ATG10: variants seen among roughly 807,000 people sequenced by gnomAD.
The protein encoded by ATG10 is ubiquitin-like-conjugating enzyme ATG10.
In ATG10, 30 loss-of-function variants were observed where a neutral mutation model predicts 32.1. The ratio of observed to expected loss-of-function variants is 0.94; its 90% CI spans 0.70 to 1.27. The LOEUF is 1.27. Ranked by LOEUF, ATG10 falls within the 50% of genes most tolerant of loss-of-function variation. The probability of loss-of-function intolerance (pLI) is 0.00; values close to 1 mark genes in which losing one functional copy is unlikely to be tolerated. For missense variants in ATG10, 233 were observed against 262.3 expected (o/e 0.89, Z 0.77); for synonymous variants, 87 against 91.5 (o/e 0.95, Z 0.28).
intron 2 of ATG10, among the ~76,000 whole-genome samples, chr5:81,993,305 TCTTTC>T (rs769916048): frequency 0.039 from 4,305 of 111,262 alleles, 105 homozygotes; most frequent in South Asian, 0.049. Flanking sequence ...TTCTTTCCTT[TCTTTC>T]CTTTCTTTCT....
chr5:82,097,802 C>T (rs1765120051), intron 3 of ATG10, among the ~76,000 whole-genome samples: 1 of 152,112 alleles, frequency 6.6e-6, no homozygotes, highest in African/African-American at 2.4e-5. Flanking sequence ...TACCGTACCC[C>T]AAAAGCAATG....
At chr5:81,991,565 A>C (rs1413975532) in intron 2 of ATG10, among the ~76,000 whole-genome samples, 1 of 152,134 alleles carries the variant, frequency 6.6e-6, no homozygotes, top group Non-Finnish European at 1.5e-5. Context: ...AGGCCAAGGC[A>C]GGTTGATTAC....
chr5:82,141,817 T>TAC (rs962266873), intron 3 of ATG10, among the ~76,000 whole-genome samples: 2 of 150,704 alleles, frequency 1.3e-5, no homozygotes, highest in African/African-American at 2.4e-5. Context: ...CATACACACA[T>TAC]ACACACACAC....
chr5:82,190,604 C>G (rs1744617887), intron 5 of ATG10, among the ~76,000 whole-genome samples: 1 of 151,486 alleles, frequency 6.6e-6, no homozygotes, highest in African/African-American at 2.4e-5. Context: ...AACCCTGTCT[C>G]TACTAAAAAT....
intron 5 of ATG10, among the ~76,000 whole-genome samples, chr5:82,247,335 C>T (rs1747079155): frequency 1.3e-5 from 2 of 151,854 alleles, no homozygotes; most frequent in African/African-American, 4.8e-5. Flanking sequence ...AATTTTTTTT[C>T]TCTTTTCTTC....
intron 2 of ATG10, among the ~76,000 whole-genome samples, chr5:82,001,836 A>T (rs1008206765): frequency 1.3e-5 from 2 of 152,234 alleles, no homozygotes; most frequent in Middle Eastern, 6.3e-3. Context: ...AACTATCAAC[A>T]GAGTAAACAG....
At chr5:82,099,833 C>T (rs2407054) in intron 3 of ATG10, among the ~76,000 whole-genome samples, 150,091 of 152,154 alleles carry the variant, frequency 0.99, 74,054 homozygotes, top group Middle Eastern at 1. Flanking sequence ...AATCAGTCTT[C>T]TGAACCTACT....
Position 82,023,011 on chromosome 5 carries a change from T to A in ATG10, c.108+35333T>A, listed in dbSNP as rs189766819. ...TGTATATATACACACACATAAAATA[T>A]ATATATATATATGTATGTATATATA... is the stretch of plus-strand genomic sequence containing the variant. On this transcript the variant is annotated intron_variant, in intron 2 of 7. Transcript: ENST00000282185. Among the ~76,000 whole-genome samples, 545 of 150,744 alleles carry A rather than the reference T, an allele frequency of 3.6e-3. 3 individuals are homozygous for A. Among genetic ancestry groups the A allele is most frequent in the African/African-American group, 0.013 (515 of 41,192 alleles).
At chr5:82,057,003 C>G (rs2149748160) in intron 2 of ATG10, among the ~76,000 whole-genome samples, 1 of 151,246 alleles carries the variant, frequency 6.6e-6, no homozygotes, top group African/African-American at 2.4e-5. Context: ...GTAATTCCAT[C>G]TACAAAATGG....
intron 3 of ATG10, among the ~76,000 whole-genome samples, chr5:82,136,413 C>G (rs1274603753): frequency 6.6e-6 from 1 of 152,186 alleles, no homozygotes; most frequent in Non-Finnish European, 1.5e-5. Context: ...TCTTGTAAGG[C>G]AGGCCTGGTG....
At chr5:82,039,416 A>G (rs1763021329) in intron 2 of ATG10, among the ~76,000 whole-genome samples, 1 of 152,236 alleles carries the variant, frequency 6.6e-6, no homozygotes. Context: ...TTAAAGTTTA[A>G]TCCATTTATA....
intron 3 of ATG10, among the ~76,000 whole-genome samples, chr5:82,075,296 A>G (rs79426834): frequency 0.03 from 4,586 of 152,314 alleles, 101 homozygotes; most frequent in Middle Eastern, 0.051. Context: ...GGGAGGACAT[A>G]GAGAGGTTAG....
chr5:82,083,732 G>T (rs1232332301), intron 3 of ATG10, among the ~76,000 whole-genome samples: 1 of 152,214 alleles, frequency 6.6e-6, no homozygotes, highest in African/African-American at 2.4e-5. Context: ...TGGACCTCCA[G>T]AAAACTCCAA....
intron 3 of ATG10, among the ~76,000 whole-genome samples, chr5:82,120,278 T>G (rs1765994857): frequency 6.6e-6 from 1 of 152,216 alleles, no homozygotes; most frequent in South Asian, 2.1e-4. Flanking sequence ...TTAGTTGTTT[T>G]GTGTAGTAGA....
At chr5:82,133,740 G>T (rs1413522457) in intron 3 of ATG10, among the ~76,000 whole-genome samples, 6 of 152,096 alleles carry the variant, frequency 3.9e-5, no homozygotes, top group Admixed American at 3.9e-4. Context: ...ATTTAAAGTA[G>T]TTTTTTCTAA....
At chr5:82,074,347 G>A (rs1180354715) in intron 3 of ATG10, among the ~76,000 whole-genome samples, 2 of 151,976 alleles carry the variant, frequency 1.3e-5, no homozygotes, top group Non-Finnish European at 2.9e-5. Context: ...GCTTTCTATT[G>A]TACTTTTTTA....
At chr5:81,983,666 C>G (rs1157933043) in intron 1 of ATG10, among the ~76,000 whole-genome samples, 2 of 150,830 alleles carry the variant, frequency 1.3e-5, no homozygotes, top group South Asian at 2.1e-4. Context: ...CCCTCCCGGA[C>G]GGGGTGGCTG....
At chr5:82,030,858 GT>G (rs1762724393) in intron 2 of ATG10, among the ~76,000 whole-genome samples, 1 of 152,140 alleles carries the variant, frequency 6.6e-6, no homozygotes, top group Non-Finnish European at 1.5e-5. Context: ...AAGAGCTCCT[GT>G]TTTTGTGTAG....
intron 2 of ATG10, among the ~76,000 whole-genome samples, chr5:82,016,766 G>T (rs944147491): frequency 1.3e-5 from 2 of 151,264 alleles, no homozygotes; most frequent in African/African-American, 4.9e-5. Context: ...TCAGCTCACC[G>T]CAAGCTCTGC....
Sources: allele counts gnomAD v4.1 joint callset (sites outside exome capture counted in the v4.1 genomes callset), GRCh38; gene constraint gnomAD v4.1.1; transcripts MANE v1.5; gene names NCBI Gene and HGNC (gene_info 2026-07-23, HGNC 2026-07-21).